C12orf56: variants seen among roughly 807,000 people sequenced by gnomAD.
The protein encoded by C12orf56 is chromosome 12 open reading frame 56, also known as uncharacterized protein C12orf56.
A neutral mutation model predicts 69.9 loss-of-function variants in C12orf56; 71 were observed. That is an observed-to-expected ratio of 1.02 (90% CI 0.84 to 1.24). The LOEUF (loss-of-function observed/expected upper bound fraction) is 1.24, where lower values mean the gene tolerates loss of function less well. Ranked by LOEUF, C12orf56 falls within the 50% of genes most tolerant of loss-of-function variation. The pLI is 0.00. For synonymous variants in C12orf56, 276 were observed against 274.1 expected (o/e 1.01, Z -0.07); for missense variants, 732 against 738.5 (o/e 0.99, Z 0.10).
At position 64,311,162 on chromosome 12, in the gene C12orf56, C is replaced by T. The variant is rs180769060; in HGVS notation, c.968+1517G>A. On this transcript the variant is annotated intron_variant, in intron 5 of 12. Transcript: ENST00000543942. ...GTTCCAAGTCTTTGCTATTGCCAGG[C>T]GTGGTGGCTCATGCCTGTAATCCCA... Among the ~76,000 whole-genome samples, 7 of 152,064 alleles carry T rather than the reference C, an allele frequency of 4.6e-5. No individual in the cohort carries two copies. The East Asian group carries it at 7.7e-4, about 17-fold the overall frequency.
chr12:64,271,009 T>C lies in C12orf56; in HGVS notation c.1585-295A>G, dbSNP rs563412344. Among the ~76,000 whole-genome samples, 17 of 151,854 alleles carry C rather than the reference T, an allele frequency of 1.1e-4. No homozygotes were observed. The South Asian group carries it at 3.3e-3, about 30-fold the overall frequency. ...GGTGGAACCCCGTCTCTACTAAAAATACAAAAATCAGTCAGGCGTGGTGGT... is the reference window on the plus strand; with the variant it reads ...GGTGGAACCCCGTCTCTACTAAAAACACAAAAATCAGTCAGGCGTGGTGGT... On this transcript the variant is annotated intron_variant, in intron 11 of 12. Transcript: ENST00000543942.
chr12:64,312,763 A>G lies in C12orf56; in HGVS notation c.895-11T>C. The G allele has an allele frequency of 6.6e-7, 1 of 1,522,888 alleles. No homozygotes were observed. Among genetic ancestry groups the G allele is most frequent in the Non-Finnish European group, 8.8e-7 (1 of 1,134,588 alleles). 94.3% of individuals were successfully genotyped at this position (1,522,888 alleles called of 1,614,324 possible). On this transcript the variant is annotated splice_polypyrimidine_tract_variant and intron_variant, in intron 4 of 12. Coordinates refer to ENST00000543942, the MANE Select transcript of C12orf56 (RefSeq NM_001170633.2). ...TAAAAGAGTAGCTTTCTGAAAAAGG[A>G]AAAAGTAGAAATTGTTAGAATTTTT...
intron 1 of C12orf56, among the ~76,000 whole-genome samples, chr12:64,363,521 G>C (rs2039424997): frequency 6.6e-6 from 1 of 152,148 alleles, no homozygotes; most frequent in Non-Finnish European, 1.5e-5. Context: ...GCACACGCTA[G>C]GGGCCCCTTT....
At chr12:64,303,067 G>T (rs750590207) in intron 6 of C12orf56, among the ~76,000 whole-genome samples, 23 of 152,052 alleles carry the variant, frequency 1.5e-4, no homozygotes, top group Non-Finnish European at 2.8e-4. Flanking sequence ...GAGGTCAGGA[G>T]TTCAAGACCA....
At chr12:64,335,380 G>A (rs2038982434) in intron 2 of C12orf56, among the ~76,000 whole-genome samples, 1 of 133,708 alleles carries the variant, frequency 7.5e-6, no homozygotes, top group African/African-American at 2.9e-5. Context: ...TCACACCACT[G>A]CACTCCAGCC....
intron 1 of C12orf56, among the ~76,000 whole-genome samples, chr12:64,356,208 T>C (rs1465817839): frequency 6.7e-6 from 1 of 149,344 alleles, no homozygotes; most frequent in Non-Finnish European, 1.5e-5. Context: ...AACCATACAT[T>C]TAAGCTTATT....
In C12orf56 at chr12:64,267,250, G is replaced by T. The variant is rs2037928414; in HGVS notation, c.1802C>A (p.Pro601Gln). Residue 601 changes from proline to glutamine, a missense_variant, in exon 13 of 13, where the codon CCA becomes CAA. By Grantham distance (76) the Pro-to-Gln change is moderately conservative. Coordinates refer to ENST00000543942, the MANE Select transcript of C12orf56 (RefSeq NM_001170633.2). The stretch of plus-strand genomic sequence containing the variant: ...AGGTTGAGTGATGGGGTAACACAAT[G>T]GGAGCCTTTTCTGCAAGGCTGGCAT... The part of the protein sequence containing the change: ...IHMPALQKRL[P>Q]LCYPITQPTI... The T allele has an allele frequency of 1.2e-5, 20 of 1,612,176 alleles. No individual in the cohort carries two copies. Among genetic ancestry groups the T allele is most frequent in the Non-Finnish European group, 1.6e-5 (19 of 1,179,376 alleles).
chr12:64,327,011 A>T (rs12317146), intron 3 of C12orf56, among the ~76,000 whole-genome samples: 40,927 of 152,006 alleles, frequency 0.27, 5,882 homozygotes, highest in East Asian at 0.5. Flanking sequence ...TATCATGGGA[A>T]TGGAACTGGC....
chr12:64,365,835 T>C (rs2039465128), intron 1 of C12orf56, among the ~76,000 whole-genome samples: 2 of 139,694 alleles, frequency 1.4e-5, no homozygotes, highest in South Asian at 4.2e-4. Flanking sequence ...ATGTATAATA[T>C]ATAGTGTATA....
intron 6 of C12orf56, among the ~76,000 whole-genome samples, chr12:64,298,949 T>C (rs867845139): frequency 3.3e-5 from 5 of 152,340 alleles, no homozygotes; most frequent in Middle Eastern, 3.4e-3. Context: ...GGGGATAGCA[T>C]TGAATCTATA....
chr12:64,345,959 T>C (rs566481008), intron 2 of C12orf56, among the ~76,000 whole-genome samples: 1 of 152,248 alleles, frequency 6.6e-6, no homozygotes, highest in African/African-American at 2.4e-5. Context: ...AGAAGTAGAG[T>C]CCTTAGCATT....
Position 64,331,035 on chromosome 12 carries a change from T to TA in C12orf56, c.416-4dup, listed in dbSNP as rs11392869. ...AAGGCCGTTCTTTTCTTCCTTGACT[T>TA]AAAAAAAAAATAGTTATTTGGTCAT... On this transcript the variant is annotated splice_polypyrimidine_tract_variant and splice_region_variant and intron_variant, in intron 2 of 12. Transcript: ENST00000543942. 0.37 allele frequency: 517,071 copies of TA among 1,402,266 alleles called. 60,667 individuals carry two copies. Among genetic ancestry groups the TA allele is most frequent in the African/African-American group, 0.51 (34,418 of 67,916 alleles). The allele number at this position is 1,402,266 out of a possible 1,614,324, so 86.9% of individuals were successfully genotyped here.
chr12:64,326,033 A>T (rs997370747), intron 3 of C12orf56, among the ~76,000 whole-genome samples: 28 of 152,168 alleles, frequency 1.8e-4, no homozygotes, highest in Admixed American at 1.6e-3. Context: ...AATAGGGACC[A>T]TATATACCCT....
chr12:64,323,086 TA>T (rs1293896373), intron 3 of C12orf56, among the ~76,000 whole-genome samples: 1 of 152,186 alleles, frequency 6.6e-6, no homozygotes, highest in Non-Finnish European at 1.5e-5. Flanking sequence ...GTGGAAGCTG[TA>T]AAATGTGAAT....
intron 3 of C12orf56, among the ~76,000 whole-genome samples, chr12:64,328,706 A>AATATAT (rs138783628): frequency 1.1e-3 from 16 of 15,104 alleles, no homozygotes; most frequent in African/African-American, 3.2e-3. Flanking sequence ...AAAAAAAAAA[A>AATATAT]ATATATATAT....
At chr12:64,351,861 A>T (rs1431095129) in intron 2 of C12orf56, among the ~76,000 whole-genome samples, 1 of 76,136 alleles carries the variant, frequency 1.3e-5, no homozygotes, top group African/African-American at 3.8e-5. Flanking sequence ...AAACCCTGGG[A>T]CTCCTTTGGA....
intron 1 of C12orf56, among the ~76,000 whole-genome samples, chr12:64,369,061 G>A (rs189630732): frequency 3.8e-4 from 58 of 151,494 alleles, no homozygotes; most frequent in Admixed American, 1.5e-3. Context: ...GTTTATGCCT[G>A]TGATCCCAGC....
At chr12:64,327,449 C>A (rs1343833812) in intron 3 of C12orf56, among the ~76,000 whole-genome samples, 1 of 152,248 alleles carries the variant, frequency 6.6e-6, no homozygotes, top group Admixed American at 6.5e-5. Flanking sequence ...GCATATGTAT[C>A]TCAGAACTAA....
intron 2 of C12orf56, among the ~76,000 whole-genome samples, chr12:64,348,843 T>A (rs1485824366): frequency 6.6e-6 from 1 of 152,232 alleles, no homozygotes; most frequent in African/African-American, 2.4e-5. Flanking sequence ...CTTTGACAGA[T>A]GCTCTCAAAT....
Sources: gnomAD v4.1 joint callset for allele counts (sites outside exome capture counted in the v4.1 genomes callset) on GRCh38, gnomAD v4.1.1 for gene constraint, MANE v1.5 for transcripts, NCBI Gene and HGNC (gene_info 2026-07-23, HGNC 2026-07-21) for gene names.